Variants in PHACTR3 observed in about 807,000 individuals in gnomAD.
PHACTR3 encodes protein phosphatase 1, regulatory subunit 123.
Under a neutral mutation model 66.8 loss-of-function variants are expected in PHACTR3, and 16 were observed. That is an observed-to-expected ratio of 0.24 (90% CI 0.16 to 0.36). PHACTR3 has a LOEUF of 0.36. PHACTR3 is among the 10% of genes least tolerant of loss of function. The pLI is 1.00. For synonymous variants in PHACTR3, 323 were observed against 292.1 expected, an observed-to-expected ratio of 1.11 and a Z score of -1.08; for missense variants, 647 against 719.9, an observed-to-expected ratio of 0.90 and a Z score of 1.16.
chr20:59,711,266 G>A (rs140313193), intron 1 of PHACTR3, among the ~76,000 whole-genome samples: 1 of 152,032 alleles, frequency 6.6e-6, no homozygotes, highest in South Asian at 2.1e-4. Flanking sequence ...TGTGCGTAAG[G>A]CTTTGTCTCT....
Position 59,735,560 on chromosome 20 carries a change from G to A in PHACTR3, c.119-7547G>A, listed in dbSNP as rs150151343. On this transcript the variant is annotated intron_variant, in intron 1 of 12. Transcript: ENST00000371015. ...AGATATCTTAGTGGATGAAAGATGA[G>A]GATGAAAAAATACCTGATGTCACTA... Among the ~76,000 whole-genome samples, 106 of 152,158 alleles carry A rather than the reference G, an allele frequency of 7.0e-4. 1 individual carries two copies. The highest frequency in any genetic ancestry group is 2.2e-3 in the African/African-American group (92 of 41,526).
intron 5 of PHACTR3, 103 bp downstream of exon 5, chr20:59,767,498 C>T (rs761116316): frequency 4.7e-6 from 6 of 1,286,950 alleles, no homozygotes; most frequent in Non-Finnish European, 6.4e-6. Context: ...ATTTATTCAC[C>T]CATTCACTCA....
chr20:59,740,444 C>T (rs2039112056), intron 1 of PHACTR3, among the ~76,000 whole-genome samples: 1 of 152,028 alleles, frequency 6.6e-6, no homozygotes, highest in South Asian at 2.1e-4. Flanking sequence ...AAGTAGCATG[C>T]ACCACCATGC....
At chr20:59,727,511 G>C (rs1365850858) in intron 1 of PHACTR3, among the ~76,000 whole-genome samples, 1 of 152,076 alleles carries the variant, frequency 6.6e-6, no homozygotes, top group African/African-American at 2.4e-5. Context: ...GAGACTTTCT[G>C]TCTCCTGGAG....
intron 1 of PHACTR3, among the ~76,000 whole-genome samples, chr20:59,635,725 A>G (rs1346966265): frequency 6.6e-6 from 1 of 152,208 alleles, no homozygotes; most frequent in Admixed American, 6.5e-5. Flanking sequence ...AAATATTTGT[A>G]TGGCGCGTAA....
At chr20:59,735,045 C>T (rs1482067165) in intron 1 of PHACTR3, among the ~76,000 whole-genome samples, 1 of 152,040 alleles carries the variant, frequency 6.6e-6, no homozygotes, top group Non-Finnish European at 1.5e-5. Flanking sequence ...CCACTTTGTC[C>T]CTCAGGCCTA....
chr20:59,734,418 A>AT (rs556321317), intron 1 of PHACTR3, among the ~76,000 whole-genome samples: 3 of 150,974 alleles, frequency 2.0e-5, no homozygotes, highest in Non-Finnish European at 3.0e-5. Flanking sequence ...CACCGAGCTA[A>AT]TTTTTTTTTC....
chr20:59,783,161 C>A (rs1182179220), intron 7 of PHACTR3, among the ~76,000 whole-genome samples: 2 of 152,194 alleles, frequency 1.3e-5, no homozygotes, highest in East Asian at 3.9e-4. Flanking sequence ...CAGCAGGCAG[C>A]CCCTGCCTTT....
At chr20:59,617,083 G>T (rs1214086430) in intron 1 of PHACTR3, among the ~76,000 whole-genome samples, 1 of 152,120 alleles carries the variant, frequency 6.6e-6, no homozygotes, top group African/African-American at 2.4e-5. Flanking sequence ...TACTTGGGGA[G>T]TATATTTGCA....
At chr20:59,578,583 G>A (rs2032780540) in intron 1 of PHACTR3, among the ~76,000 whole-genome samples, 1 of 152,134 alleles carries the variant, frequency 6.6e-6, no homozygotes. Flanking sequence ...GACATTTCTG[G>A]TTGTCACACC....
At chr20:59,824,579 T>C (rs566902116) in intron 8 of PHACTR3, among the ~76,000 whole-genome samples, 3 of 152,324 alleles carry the variant, frequency 2.0e-5, no homozygotes, top group African/African-American at 7.2e-5. Context: ...TTAGGCCCAA[T>C]GGGCATTAAG....
At chr20:59,817,718 C>A (rs1408667731) in intron 8 of PHACTR3, among the ~76,000 whole-genome samples, 1 of 152,186 alleles carries the variant, frequency 6.6e-6, no homozygotes, top group East Asian at 1.9e-4. Flanking sequence ...ACATGTCAGG[C>A]CATTGTGGCC....
Position 59,830,804 on chromosome 20 carries a change from G to C in PHACTR3, c.1329-5701G>C, listed in dbSNP as rs6027144. 0.41 allele frequency among the ~76,000 whole-genome samples: 62,991 copies of C among 152,002 alleles called. 15,562 individuals carry two copies. The highest frequency in any genetic ancestry group is 0.71 in the East Asian group (3,669 of 5,158). The stretch of plus-strand genomic sequence containing the variant: ...AGGCTCAAGTAAGGGAGGGCGTGAC[G>C]CCATCACCCAGCTGGCAGGGGTCAG... On this transcript the variant is annotated intron_variant, in intron 8 of 12. Coordinates refer to ENST00000371015, the MANE Select transcript of PHACTR3 (RefSeq NM_080672.5). This position sits in a 1 kb window ranked among gnomAD's most constrained non-coding sequence, Gnocchi z 5.8.
At chr20:59,719,655 A>G (rs2038219976) in intron 1 of PHACTR3, among the ~76,000 whole-genome samples, 3 of 152,222 alleles carry the variant, frequency 2.0e-5, no homozygotes, top group Non-Finnish European at 4.4e-5. Flanking sequence ...ATTGGACTTG[A>G]AAAAAATCAG....
chr20:59,714,969 AT>A (rs2038044868), intron 1 of PHACTR3, among the ~76,000 whole-genome samples: 1 of 152,096 alleles, frequency 6.6e-6, no homozygotes, highest in Non-Finnish European at 1.5e-5. Context: ...TAATTTTCTA[AT>A]TCTTTGGTTC....
At chr20:59,842,889 C>T (rs548476147) in intron 11 of PHACTR3, among the ~76,000 whole-genome samples, 3 of 151,852 alleles carry the variant, frequency 2.0e-5, no homozygotes, top group Non-Finnish European at 4.4e-5. Flanking sequence ...CCAGAGCAAT[C>T]GAGCAACAGA....
intron 1 of PHACTR3, among the ~76,000 whole-genome samples, chr20:59,584,679 T>A (rs2032968540): frequency 6.6e-6 from 1 of 151,648 alleles, no homozygotes; most frequent in Non-Finnish European, 1.5e-5. Flanking sequence ...CCCCTAACAC[T>A]CCATCTAAGC....
chr20:59,585,950 C>G (rs1304068611), intron 1 of PHACTR3, among the ~76,000 whole-genome samples: 1 of 152,198 alleles, frequency 6.6e-6, no homozygotes, highest in Admixed American at 6.5e-5. Context: ...GGCTCTTCCT[C>G]CTGAAAACAT....
chr20:59,653,114 T>A (rs2035508733), intron 1 of PHACTR3, among the ~76,000 whole-genome samples: 1 of 152,202 alleles, frequency 6.6e-6, no homozygotes, highest in Non-Finnish European at 1.5e-5. Flanking sequence ...GAAAATATTC[T>A]TATAATTGAA....
Sources: allele counts gnomAD v4.1 joint callset (sites outside exome capture counted in the v4.1 genomes callset), GRCh38; gene constraint gnomAD v4.1.1; non-coding constraint Gnocchi (gnomAD v3.1); transcripts MANE v1.5; gene names NCBI Gene and HGNC (gene_info 2026-07-23, HGNC 2026-07-21).